Variants in BIRC6 observed in about 807,000 individuals in gnomAD.
The protein encoded by BIRC6 is baculoviral IAP repeat containing 6, also known as dual E2 ubiquitin-conjugating enzyme/E3 ubiquitin-protein ligase BIRC6.
BIRC6 carries 98 observed loss-of-function variants against 503.3 expected under a neutral mutation model. The ratio of observed to expected loss-of-function variants is 0.19; its 90% confidence interval spans 0.17 to 0.23. BIRC6 has a LOEUF of 0.23. BIRC6 is among the 10% of genes least tolerant of loss of function. The probability of loss-of-function intolerance (pLI) is 1.00; values close to 1 mark genes in which losing one functional copy is unlikely to be tolerated. For missense variants in BIRC6, 5,360 were observed against 5,806.0 expected, an observed-to-expected ratio of 0.92 and a Z score of 2.50; for synonymous variants, 2,240 against 2,078.7, an observed-to-expected ratio of 1.08 and a Z score of -2.11.
At chr2:32,510,803 A>G (rs982780039) in intron 53 of BIRC6, among the ~76,000 whole-genome samples, 169 bp downstream of exon 53, 1 of 152,232 alleles carries the variant, frequency 6.6e-6, no homozygotes, top group Admixed American at 6.5e-5. Flanking sequence ...ATTCATGAAC[A>G]TTAGACATAC....
chr2:32,508,080 T>G lies in BIRC6; in HGVS notation c.9801T>G (p.Ile3267Met). The G allele has an allele frequency of 6.2e-7, 1 of 1,613,912 alleles. No individual in the cohort carries two copies. ...CAAGTGGCCTCACCTACATAAAAAT[T>G]CAGCTTGTAAAAGCCGAAGTAGCTT... ...VVTSGLTYIK[I>M]QLVKAEVASA... Residue 3267 changes from isoleucine (I) to methionine (M), a missense_variant, in exon 51 of 74, where the codon ATT (isoleucine) becomes ATG (methionine). Physicochemically the swap from Ile to Met is conservative, Grantham distance 10. Around this residue, in one of 16 missense-constraint regions of BIRC6, gnomAD observed 62 missense variants for 107.4 expected, o/e 0.58. Coordinates refer to ENST00000421745, the MANE Select transcript of BIRC6 (RefSeq NM_016252.4).
chr2:32,430,788 C>G, intron 11 of BIRC6, 77 bp from the exon 12 acceptor site: 405 of 1,069,402 alleles, frequency 3.8e-4, no homozygotes, highest in Non-Finnish European at 5.1e-4. Flanking sequence ...TGAATTAAAA[C>G]TTCACTTCAT....
chr2:32,381,879 T>C (rs2037713154), intron 3 of BIRC6, among the ~76,000 whole-genome samples: 1 of 152,150 alleles, frequency 6.6e-6, no homozygotes, highest in African/African-American at 2.4e-5. Context: ...TTGTCTTGGA[T>C]ATCTTCTCAT....
At chr2:32,593,786 G>C in intron 66 of BIRC6, 129 bp from the exon 67 acceptor site, 1 of 761,834 alleles carries the variant, frequency 1.3e-6, no homozygotes, top group East Asian at 2.9e-5. Context: ...GGCTTCAAAA[G>C]CAAGTTAATA....
chr2:32,461,486 G>T (rs555549338), intron 23 of BIRC6, among the ~76,000 whole-genome samples: 1 of 151,496 alleles, frequency 6.6e-6, no homozygotes, highest in South Asian at 2.1e-4. Context: ...GATTACAGGC[G>T]TGAGCCACCA....
intron 67 of BIRC6, 36 bp downstream of exon 67, chr2:32,594,096 G>A: frequency 1.9e-6 from 3 of 1,572,874 alleles, no homozygotes; most frequent in Non-Finnish European, 1.7e-6. Flanking sequence ...CTTTTCATTT[G>A]ATGTAAAGAT....
chr2:32,430,369 A>G (rs902459080), intron 11 of BIRC6, among the ~76,000 whole-genome samples: 9 of 152,204 alleles, frequency 5.9e-5, no homozygotes, highest in African/African-American at 2.2e-4. Flanking sequence ...AGAAATAGAA[A>G]AAACAATTTA....
chr2:32,473,613 T>C (rs2049343515), intron 33 of BIRC6, among the ~76,000 whole-genome samples: 1 of 152,032 alleles, frequency 6.6e-6, no homozygotes, highest in South Asian at 2.1e-4. Context: ...TCAAACTCTT[T>C]AACATGGCTT....
At chr2:32,590,340 A>G (rs2061321717) in intron 66 of BIRC6, among the ~76,000 whole-genome samples, 1 of 152,240 alleles carries the variant, frequency 6.6e-6, no homozygotes, top group Non-Finnish European at 1.5e-5. Context: ...TCTACATTTC[A>G]GCATGTAGTC....
Position 32,357,903 on chromosome 2 carries a change from G to C in BIRC6, c.325+417G>C, listed in dbSNP as rs1007536028. Among the ~76,000 whole-genome samples, 3 of 152,172 alleles carry C rather than the reference G, an allele frequency of 2.0e-5. No individual in the cohort carries two copies. The highest frequency in any genetic ancestry group is 6.5e-5 in the Admixed American group (1 of 15,274). The stretch of plus-strand genomic sequence containing the variant: ...CCCCGGGCGGAGAGGCTGGTGGCCG[G>C]AGGCGAGGGGCGGGGAGCGTCTGAG... On this transcript the variant is annotated intron_variant, in intron 1 of 73. Transcript: ENST00000421745. The surrounding 1 kb of genome is among the most constrained non-coding windows in gnomAD (Gnocchi z 4.9).
chr2:32,391,541 C>G (rs1416791304), intron 4 of BIRC6, among the ~76,000 whole-genome samples: 2 of 152,196 alleles, frequency 1.3e-5, no homozygotes, highest in Non-Finnish European at 2.9e-5. Context: ...TATAGAAAAT[C>G]ATGTGCTAAT....
At chr2:32,401,653 T>G (rs370670186) in intron 8 of BIRC6, 30 bp downstream of exon 8, 61 of 1,570,516 alleles carry the variant, frequency 3.9e-5, no homozygotes, top group Non-Finnish European at 5.2e-5. Context: ...TAGTATTTAA[T>G]AGATGTTACA....
intron 1 of BIRC6, among the ~76,000 whole-genome samples, chr2:32,373,620 C>T (rs1573730836): frequency 6.6e-6 from 1 of 152,108 alleles, no homozygotes; most frequent in African/African-American, 2.4e-5. Context: ...GAAATTGGCA[C>T]TCTTGTGCAC....
Position 32,549,356 on chromosome 2 carries a change from GAGA to G in BIRC6, c.13022_13024del (p.Glu4341del), listed in dbSNP as rs2058281340. 6.7e-7 allele frequency: 1 copy of G among 1,490,390 alleles called. No individual in the cohort carries two copies. Among genetic ancestry groups the G allele is most frequent in the Admixed American group, 1.8e-5 (1 of 56,720 alleles). 92.3% of individuals were successfully genotyped at this position (1,490,390 alleles called of 1,614,324 possible). On this transcript the variant is annotated inframe_deletion, in exon 65 of 74. Coordinates refer to ENST00000421745, the MANE Select transcript of BIRC6 (RefSeq NM_016252.4). ...AATCCCGTCAGTAGTGCGGTAAATG[GAGA>G]AGCTCAGTCATCTCATGAGACTAGA...
chr2:32,586,606 A>G (rs1232316575), intron 66 of BIRC6, among the ~76,000 whole-genome samples: 3 of 151,752 alleles, frequency 2.0e-5, no homozygotes, highest in East Asian at 3.9e-4. Context: ...TATAGTAGAG[A>G]TGGGGTTTCC....
chr2:32,597,738 C>A lies in BIRC6; in HGVS notation c.13613-13C>A. ...TTTGCAGTTCTGGGTTTTATTTTTT[C>A]TTCTCCTTTTAGATACGTTTGAAAT... On this transcript the variant is annotated splice_polypyrimidine_tract_variant and intron_variant, in intron 68 of 73. Coordinates refer to ENST00000421745, the MANE Select transcript of BIRC6 (RefSeq NM_016252.4). The A allele has an allele frequency of 2.5e-6, 4 of 1,589,650 alleles. No individual in the cohort carries two copies. Among genetic ancestry groups the A allele is most frequent in the Non-Finnish European group, 3.4e-6 (4 of 1,161,354 alleles).
In BIRC6 at chr2:32,423,137, C is replaced by T. The variant is rs2043116767; in HGVS notation, c.2873-6009C>T. Among the ~76,000 whole-genome samples, 4 of 152,168 alleles carry T rather than the reference C, an allele frequency of 2.6e-5. No individual in the cohort carries two copies. In the South Asian group the frequency reaches 8.3e-4, roughly 32 times the overall value. On this transcript the variant is annotated intron_variant, in intron 10 of 73. Transcript: ENST00000421745. Reference sequence around the variant, plus strand: ...AACAGTTGGGGTTTCCCCATATTGGCCAGGCTGGTCTCTAACTCCTGACCT... The same window carrying T: ...AACAGTTGGGGTTTCCCCATATTGGTCAGGCTGGTCTCTAACTCCTGACCT...
At chr2:32,553,703 G>A (rs1030437485) in intron 65 of BIRC6, among the ~76,000 whole-genome samples, 2 of 152,018 alleles carry the variant, frequency 1.3e-5, no homozygotes, top group Middle Eastern at 6.8e-3. Flanking sequence ...GTAAATGAAT[G>A]GAGACTTTAA....
intron 55 of BIRC6, 62 bp from the exon 56 acceptor site, chr2:32,518,192 T>C: frequency 2.1e-6 from 3 of 1,459,220 alleles, no homozygotes; most frequent in Non-Finnish European, 1.9e-6. Flanking sequence ...CTTTTTATCT[T>C]TCAAAATAAA....
Sources: gnomAD v4.1 joint callset for allele counts (sites outside exome capture counted in the v4.1 genomes callset) on GRCh38, gnomAD v4.1.1 for gene constraint, gnomAD v4.1.1 regional missense constraint, Gnocchi (gnomAD v3.1) non-coding constraint, MANE v1.5 for transcripts, NCBI Gene and HGNC (gene_info 2026-07-23, HGNC 2026-07-21) for gene names.